The following GPC6 variants were observed in gnomAD, a reference collection of about 807,000 sequenced individuals.
The protein encoded by GPC6 is glypican 6, also known as glypican-6.
GPC6 carries 14 observed loss-of-function variants against 55.2 expected under a neutral mutation model. That is an observed-to-expected ratio of 0.25 (90% confidence interval 0.17 to 0.40). The LOEUF is 0.40. GPC6 is among the 10% of genes least tolerant of loss of function. The probability of loss-of-function intolerance (pLI) is 1.00; values close to 1 mark genes in which losing one functional copy is unlikely to be tolerated. For synonymous variants in GPC6, 278 were observed against 259.6 expected (o/e 1.07, Z -0.68); for missense variants, 641 against 708.5 (o/e 0.90, Z 1.08).
chr13:93,462,424 G>A (rs1353232333), intron 1 of GPC6, among the ~76,000 whole-genome samples: 1 of 152,064 alleles, frequency 6.6e-6, no homozygotes, highest in East Asian at 1.9e-4. Flanking sequence ...CAGAAGCCCT[G>A]GGTATAGATA....
chr13:93,685,044 T>G (rs1881998045), intron 2 of GPC6, among the ~76,000 whole-genome samples: 1 of 152,202 alleles, frequency 6.6e-6, no homozygotes, highest in African/African-American at 2.4e-5. Flanking sequence ...GACTTAATAT[T>G]ATGAATAAAG....
At chr13:94,225,316 C>T (rs1027233138) in intron 4 of GPC6, among the ~76,000 whole-genome samples, 7 of 152,058 alleles carry the variant, frequency 4.6e-5, no homozygotes, top group African/African-American at 1.4e-4. Context: ...GTATTATCCC[C>T]AAAAATGTTT....
chr13:93,299,380 G>T (rs1878599669), intron 1 of GPC6, among the ~76,000 whole-genome samples: 1 of 152,174 alleles, frequency 6.6e-6, no homozygotes. Context: ...CTTAGTGGAG[G>T]AACTAATTTA....
intron 4 of GPC6, among the ~76,000 whole-genome samples, chr13:94,173,170 G>A (rs1355101807): frequency 6.6e-6 from 1 of 152,154 alleles, no homozygotes; most frequent in African/African-American, 2.4e-5. Flanking sequence ...ATGAAAGACT[G>A]TTGAAGCTCA....
chr13:94,013,569 C>G (rs1288092074), intron 3 of GPC6, among the ~76,000 whole-genome samples: 1 of 152,090 alleles, frequency 6.6e-6, no homozygotes, highest in African/African-American at 2.4e-5. Context: ...AGGCTGGTCT[C>G]GAATGCCTGA....
intron 1 of GPC6, among the ~76,000 whole-genome samples, chr13:93,470,647 A>T (rs1350940980): frequency 1.3e-5 from 2 of 152,044 alleles, no homozygotes; most frequent in African/African-American, 4.8e-5. Flanking sequence ...TGGTAATGAC[A>T]TCCTTATAAA....
At chr13:93,392,459 C>T (rs1875667602) in intron 1 of GPC6, among the ~76,000 whole-genome samples, 4 of 152,256 alleles carry the variant, frequency 2.6e-5, no homozygotes, top group Non-Finnish European at 2.9e-5. Context: ...TAAGGAGGCC[C>T]CTTAATTATC....
intron 1 of GPC6, among the ~76,000 whole-genome samples, chr13:93,385,342 G>A (rs1875353627): frequency 6.6e-6 from 1 of 152,250 alleles, no homozygotes; most frequent in Non-Finnish European, 1.5e-5. Flanking sequence ...CCTTTCATAA[G>A]CCGGGGCAAG....
Position 94,063,473 on chromosome 13 carries a change from T to A in GPC6, c.877+35579T>A, listed in dbSNP as rs181330026. Among the ~76,000 whole-genome samples, 519 of 152,322 alleles carry A rather than the reference T, an allele frequency of 3.4e-3. 6 individuals carry two copies. Among genetic ancestry groups the A allele is most frequent in the African/African-American group, 0.012 (494 of 41,574 alleles). On this transcript the variant is annotated intron_variant, in intron 4 of 8. Transcript: ENST00000377047. ...AGACTGCTAACATAGGAATTTTTTT[T>A]AAATCTGATTATGAAACATTATTCT...
chr13:93,390,204 A>G (rs905497425), intron 1 of GPC6, among the ~76,000 whole-genome samples: 2 of 151,854 alleles, frequency 1.3e-5, no homozygotes, highest in African/African-American at 4.8e-5. Flanking sequence ...TTTGACTAGA[A>G]GGTTTAGTTT....
intron 1 of GPC6, among the ~76,000 whole-genome samples, chr13:93,483,132 T>G (rs1268826645): frequency 6.6e-6 from 1 of 152,178 alleles, no homozygotes; most frequent in Non-Finnish European, 1.5e-5. Flanking sequence ...TAAATATTTC[T>G]TTAATGCATA....
At chr13:93,934,623 C>G (rs554435039) in intron 3 of GPC6, among the ~76,000 whole-genome samples, 3 of 152,298 alleles carry the variant, frequency 2.0e-5, no homozygotes, top group African/African-American at 7.2e-5. Context: ...TCCCAACCAG[C>G]CTGGAACAAT....
At position 94,283,229 on chromosome 13, in the gene GPC6, C is replaced by T. The variant is rs577148163; in HGVS notation, c.878-3120C>T. Among the ~76,000 whole-genome samples, 3 of 152,314 alleles carry T rather than the reference C, an allele frequency of 2.0e-5. No individual in the cohort carries two copies. In the East Asian group the frequency reaches 5.8e-4, roughly 29 times the overall value. On this transcript the variant is annotated intron_variant, in intron 4 of 8. Coordinates refer to ENST00000377047, the MANE Select transcript of GPC6 (RefSeq NM_005708.5). ...TATAAAAGCTAAGCTTTGTTATGAG[C>T]TAATTTTGTGCTAGACATTGTACTA...
intron 3 of GPC6, among the ~76,000 whole-genome samples, chr13:94,004,322 C>G (rs1881926974): frequency 6.6e-6 from 1 of 151,738 alleles, no homozygotes; most frequent in African/African-American, 2.4e-5. Flanking sequence ...ACATGGTATA[C>G]TAGATAGACA....
chr13:93,832,572 G>A (rs1026352992), intron 3 of GPC6, among the ~76,000 whole-genome samples: 3 of 152,116 alleles, frequency 2.0e-5, no homozygotes, highest in Non-Finnish European at 4.4e-5. Flanking sequence ...TTTCCGGTGA[G>A]ATAACAGAAT....
At chr13:93,733,226 T>A (rs1307151024) in intron 2 of GPC6, among the ~76,000 whole-genome samples, 2 of 152,146 alleles carry the variant, frequency 1.3e-5, no homozygotes, top group African/African-American at 4.8e-5. Context: ...AATCATCTGA[T>A]AATGAAGAAT....
intron 4 of GPC6, among the ~76,000 whole-genome samples, chr13:94,230,443 T>G (rs74791631): frequency 0.023 from 3,444 of 152,192 alleles, 63 homozygotes; most frequent in Non-Finnish European, 0.037. Flanking sequence ...GTGTTAAGAT[T>G]ATGGACTTGG....
intron 4 of GPC6, among the ~76,000 whole-genome samples, chr13:94,120,650 G>A (rs536535561): frequency 6.6e-6 from 1 of 151,848 alleles, no homozygotes; most frequent in African/African-American, 2.4e-5. Context: ...TCGTAGTATT[G>A]TTTGTGCCCC....
chr13:94,044,423 G>A (rs527724360), intron 4 of GPC6, among the ~76,000 whole-genome samples: 3 of 151,880 alleles, frequency 2.0e-5, no homozygotes, highest in African/African-American at 7.2e-5. Flanking sequence ...CAAAAAAATT[G>A]CAGCCTCAGG....
Sources: gnomAD v4.1 joint callset for allele counts (sites outside exome capture counted in the v4.1 genomes callset) on GRCh38, gnomAD v4.1.1 for gene constraint, MANE v1.5 for transcripts, NCBI Gene and HGNC (gene_info 2026-07-23, HGNC 2026-07-21) for gene names.